Variants in MCCC2 observed in about 807,000 individuals in gnomAD.
The protein encoded by MCCC2 is methylcrotonoyl-CoA carboxylase beta chain, mitochondrial.
A neutral mutation model predicts 77.2 loss-of-function variants in MCCC2; 52 were observed. The ratio of observed to expected loss-of-function variants is 0.67; its 90% CI spans 0.54 to 0.85. The LOEUF is 0.85. MCCC2 is among the 40% of genes least tolerant of loss of function. The pLI is 0.00. For missense variants in MCCC2, 682 were observed against 703.2 expected, an observed-to-expected ratio of 0.97 and a Z score of 0.34; for synonymous variants, 253 against 248.4, an observed-to-expected ratio of 1.02 and a Z score of -0.18.
In MCCC2 at chr5:71,650,192, CG is replaced by C. The variant is rs767400522; in HGVS notation, c.1488+10del. ...CCCGGGAAGGAAAGCAGGTCGGTGT[CG>C]TTTTCTCTTGTTTCTCTCTGGTTTT... is the stretch of plus-strand genomic sequence containing the variant. On this transcript the variant is annotated intron_variant, in intron 15 of 16. Coordinates refer to ENST00000340941, the MANE Select transcript of MCCC2 (RefSeq NM_022132.5). 4.7e-5 allele frequency: 76 copies of C among 1,611,796 alleles called. No homozygotes were observed. The highest frequency in any genetic ancestry group is 8.3e-5 in the Admixed American group (5 of 60,006).
chr5:71,644,174 T>C (rs1747216863), intron 12 of MCCC2, among the ~76,000 whole-genome samples: 1 of 152,056 alleles, frequency 6.6e-6, no homozygotes, highest in Non-Finnish European at 1.5e-5. Flanking sequence ...CTATTAAAAA[T>C]GTACTCATTT....
chr5:71,644,759 C>T (rs1747233088), intron 12 of MCCC2, among the ~76,000 whole-genome samples: 1 of 152,024 alleles, frequency 6.6e-6, no homozygotes, highest in African/African-American at 2.4e-5. Context: ...GGCAGTTAAG[C>T]TCTTTCATAC....
At position 71,599,777 on chromosome 5, in the gene MCCC2, T is replaced by C. The variant is rs1745350073; in HGVS notation, c.383+17T>C. ...AGTATCAGGGTGAGTATTCTACTTGTGCTTCATAATGTGGGTTGAGAAGAA... is the reference window on the plus strand; with the variant it reads ...AGTATCAGGGTGAGTATTCTACTTGCGCTTCATAATGTGGGTTGAGAAGAA... On this transcript the variant is annotated intron_variant, in intron 4 of 16. Coordinates refer to ENST00000340941, the MANE Select transcript of MCCC2 (RefSeq NM_022132.5). The C allele has an allele frequency of 1.9e-6, 3 of 1,596,588 alleles. No homozygotes were observed. Among genetic ancestry groups the C allele is most frequent in the African/African-American group, 1.3e-5 (1 of 74,570 alleles).
intron 11 of MCCC2, among the ~76,000 whole-genome samples, chr5:71,642,860 T>C (rs1747163918): frequency 6.6e-6 from 1 of 152,138 alleles, no homozygotes; most frequent in African/African-American, 2.4e-5. Context: ...GTTAGCCAGG[T>C]GTAGTGACTA....
intron 4 of MCCC2, 97 bp downstream of exon 4, chr5:71,599,857 T>C: frequency 2.1e-6 from 2 of 956,004 alleles, no homozygotes; most frequent in Non-Finnish European, 3.4e-6. Flanking sequence ...GCATGCGATT[T>C]GTATGCTATT....
chr5:71,647,164 A>T (rs988768812), intron 13 of MCCC2, among the ~76,000 whole-genome samples: 2 of 152,152 alleles, frequency 1.3e-5, no homozygotes, highest in Non-Finnish European at 2.9e-5. Context: ...TTAGCAGAAA[A>T]CAGCCTCCCC....
At chr5:71,642,136 A>G (rs376114097) in intron 11 of MCCC2, among the ~76,000 whole-genome samples, 21 of 152,088 alleles carry the variant, frequency 1.4e-4, no homozygotes, top group Non-Finnish European at 2.5e-4. Flanking sequence ...TATCCCCTAG[A>G]GTACACAACC....
intron 7 of MCCC2, among the ~76,000 whole-genome samples, chr5:71,631,748 G>A (rs1321771481): frequency 1.3e-5 from 2 of 151,878 alleles, no homozygotes; most frequent in East Asian, 3.9e-4. Flanking sequence ...CACCTTGTTA[G>A]CCAGCATGGT....
chr5:71,590,816 C>CAAAAA (rs35575009), intron 1 of MCCC2, among the ~76,000 whole-genome samples: 1 of 130,030 alleles, frequency 7.7e-6, no homozygotes. Context: ...GACTCCGTCT[C>CAAAAA]AAAAAAAAAA....
chr5:71,599,792 G>A, intron 4 of MCCC2, 32 bp downstream of exon 4: 1 of 1,568,892 alleles, frequency 6.4e-7, no homozygotes, highest in South Asian at 1.1e-5. Flanking sequence ...CATAATGTGG[G>A]TTGAGAAGAA....
chr5:71,596,082 T>TG (rs1561818954), intron 2 of MCCC2, among the ~76,000 whole-genome samples, 198 bp from the exon 3 acceptor site: 1 of 152,012 alleles, frequency 6.6e-6, no homozygotes, highest in Non-Finnish European at 1.5e-5. Context: ...TAGATTGATT[T>TG]TTTTTTAATA....
Position 71,652,841 on chromosome 5 carries a change from G to A in MCCC2, c.1574+87G>A, listed in dbSNP as rs972577701. ...TACAGAGCTCTGTGTAGTTGAGATGGTCCAGCATTCATAGGAACTGGAAAA... is the reference window on the plus strand; with the variant it reads ...TACAGAGCTCTGTGTAGTTGAGATGATCCAGCATTCATAGGAACTGGAAAA... On this transcript the variant is annotated intron_variant, in intron 16 of 16. Transcript: ENST00000340941. 12 of 1,089,198 alleles carry A rather than the reference G, an allele frequency of 1.1e-5. No individual in the cohort carries two copies. The South Asian group carries it at 1.5e-4, about 14-fold the overall frequency. 67.5% of individuals were successfully genotyped at this position (1,089,198 alleles called of 1,614,324 possible). A position where few individuals can be genotyped will look rare whatever the true frequency, so the allele number is the denominator to read the frequency against.
chr5:71,633,855 TTAAAA>T (rs1746826776), intron 8 of MCCC2, among the ~76,000 whole-genome samples: 1 of 152,200 alleles, frequency 6.6e-6, no homozygotes, highest in Admixed American at 6.6e-5. Context: ...TATGAAGCAT[TTAAAA>T]TATATGGTCA....
rs773723814 is a variant in MCCC2 at position 71,641,011 on chromosome 5, T to A, written c.1008T>A (p.Ala336=). 1 of 1,614,064 alleles carries A rather than the reference T, an allele frequency of 6.2e-7. No individual in the cohort carries two copies. The highest frequency in any genetic ancestry group is 1.3e-5 in the African/African-American group (1 of 75,060). The change falls in exon 11 of 17, where the codon GCT becomes GCA. Residue 336 remains alanine, a synonymous_variant. Transcript: ENST00000340941. ...GTTGTTTTTCCTCTTAGGTCATTGC[T>A]AGAATCGTGGATGGAAGCAGATTCA... ...KRSFDVREVI[A]RIVDGSRFTE... is the part of the protein sequence containing the mutation.
intron 6 of MCCC2, among the ~76,000 whole-genome samples, chr5:71,606,446 A>G (rs1745679761): frequency 6.6e-6 from 1 of 151,494 alleles, no homozygotes; most frequent in African/African-American, 2.4e-5. Context: ...ACTTTGCTGA[A>G]GTTGCTTATC....
chr5:71,588,718 A>T (rs1304910640), intron 1 of MCCC2, among the ~76,000 whole-genome samples: 1 of 152,188 alleles, frequency 6.6e-6, no homozygotes, highest in Non-Finnish European at 1.5e-5. Flanking sequence ...GGCCAAGTTC[A>T]GGGTGCAGGA....
chr5:71,626,584 A>C, intron 6 of MCCC2, 56 bp from the exon 7 acceptor site: 1 of 1,358,808 alleles, frequency 7.4e-7, no homozygotes, highest in Non-Finnish European at 1.1e-6. Context: ...ATCAAACACT[A>C]TAGAAGTCAC....
At chr5:71,637,811 T>C (rs1280461636) in intron 10 of MCCC2, among the ~76,000 whole-genome samples, 6 of 152,240 alleles carry the variant, frequency 3.9e-5, no homozygotes, top group Admixed American at 3.9e-4. Context: ...CTCAGCCTCC[T>C]GGGTTCATGC....
chr5:71,653,974 C>G (rs937475317), intron 16 of MCCC2, among the ~76,000 whole-genome samples: 14 of 151,658 alleles, frequency 9.2e-5, no homozygotes, highest in African/African-American at 3.4e-4. Context: ...ATAAATAATA[C>G]CATTTGGGTG....
Sources: allele counts gnomAD v4.1 joint callset (sites outside exome capture counted in the v4.1 genomes callset), GRCh38; gene constraint gnomAD v4.1.1; transcripts MANE v1.5; gene names NCBI Gene and HGNC (gene_info 2026-07-23, HGNC 2026-07-21).